Variants in DDX17 observed in about 807,000 individuals in gnomAD.
DDX17 encodes the protein probable ATP-dependent RNA helicase DDX17.
Under a neutral mutation model 80.8 loss-of-function variants are expected in DDX17, and 10 were observed. That is an observed-to-expected ratio of 0.12 (90% confidence interval 0.08 to 0.21). DDX17 has a LOEUF of 0.21. Among genes scored for constraint, DDX17 ranks in the 10% least tolerant of loss-of-function variants. The probability of loss-of-function intolerance (pLI) is 1.00; values close to 1 mark genes in which losing one functional copy is unlikely to be tolerated. For synonymous variants in DDX17, 339 were observed against 336.2 expected (o/e 1.01, Z -0.09); for missense variants, 586 against 957.4 (o/e 0.61, Z 5.12).
rs1306866474 is a variant in DDX17 at position 38,484,273 on chromosome 22, TAAG to T, written c.*1659_*1661del. The T allele has an allele frequency of 6.6e-6, 1 of 152,324 alleles. No individual in the cohort carries two copies. The highest frequency in any genetic ancestry group is 1.5e-5 in the Non-Finnish European group (1 of 68,002). 9.4% of individuals were successfully genotyped at this position (152,324 alleles called of 1,614,324 possible). ...GGGGGGACAAAAAGAGAAGTAAAGT[TAAG>T]AAGAAAGTGGAAAATTAAAAAAAAA... is the stretch of plus-strand genomic sequence containing the variant. On this transcript the variant is annotated 3_prime_UTR_variant, in exon 13 of 13. Transcript: ENST00000403230.
intron 10 of DDX17, chr22:38,493,454 T>TA (rs1196801276): frequency 5.0e-6 from 2 of 400,502 alleles, no homozygotes; most frequent in African/African-American, 4.1e-5. Context: ...CCCAAAGTGT[T>TA]AGGATTATAG....
At chr22:38,494,243 TA>T (rs1602676481) in intron 8 of DDX17, 112 bp from the exon 9 acceptor site, 3 of 725,946 alleles carry the variant, frequency 4.1e-6, no homozygotes, top group Non-Finnish European at 6.8e-6. Flanking sequence ...ATTACGCTTT[TA>T]AAATTTTTAA....
chr22:38,505,548 C>T (rs1304655211), intron 1 of DDX17: 1 of 186,576 alleles, frequency 5.4e-6, no homozygotes, highest in Non-Finnish European at 1.1e-5. Context: ...TCAGGAAGAT[C>T]CGCGTTTTTC....
chr22:38,501,328 T>G, intron 1 of DDX17, 48 bp from the exon 2 acceptor site: 1 of 1,580,250 alleles, frequency 6.3e-7, no homozygotes, highest in East Asian at 2.3e-5. Flanking sequence ...TAAAGCAACG[T>G]ATCGTACATG....
At chr22:38,502,361 CTGAAA>C (rs1157016346) in intron 1 of DDX17, among the ~76,000 whole-genome samples, 1 of 148,234 alleles carries the variant, frequency 6.7e-6, no homozygotes, top group African/African-American at 2.5e-5. Flanking sequence ...TTGCAGTGAG[CTGAAA>C]TGGCACCATA....
intron 1 of DDX17, among the ~76,000 whole-genome samples, chr22:38,503,402 A>C (rs2089849540): frequency 1.3e-5 from 2 of 152,206 alleles, no homozygotes; most frequent in South Asian, 2.1e-4. Flanking sequence ...TAAGGCTTTA[A>C]ACTGATGATT....
chr22:38,501,392 C>A, intron 1 of DDX17, 112 bp from the exon 2 acceptor site: 1 of 1,238,012 alleles, frequency 8.1e-7, no homozygotes, highest in Non-Finnish European at 1.1e-6. Flanking sequence ...AGCCTACCTC[C>A]AAAAAGACCA....
chr22:38,493,650 A>G, intron 10 of DDX17, 60 bp downstream of exon 10: 1 of 1,349,624 alleles, frequency 7.4e-7, no homozygotes, highest in Non-Finnish European at 1.1e-6. Flanking sequence ...ATAGAGCATG[A>G]ACATTCACTT....
At chr22:38,496,773 G>C (rs1214020085) in intron 5 of DDX17, among the ~76,000 whole-genome samples, 1 of 152,088 alleles carries the variant, frequency 6.6e-6, no homozygotes, top group African/African-American at 2.4e-5. Flanking sequence ...CATGTAATCT[G>C]ACAAGACTGT....
chr22:38,495,853 T>C lies in DDX17; in HGVS notation c.823A>G (p.Ser275Gly). The C allele has an allele frequency of 6.2e-7, 1 of 1,612,222 alleles. No individual in the cohort carries two copies. Among genetic ancestry groups the C allele is most frequent in the Non-Finnish European group, 8.5e-7 (1 of 1,179,118 alleles). Residue 275 changes from serine (S) to glycine (G), a missense_variant, in exon 6 of 13, where the codon AGT (serine) becomes GGT (glycine). Around this residue, in one of 4 missense-constraint regions of DDX17, gnomAD observed 141 missense variants for 379.3 expected, o/e 0.37. Transcript: ENST00000403230. ...GGAGCACCTCCATAAATACAAGTAC[T>C]CTTCAATCTAGAACATTTGCCATAG... is the stretch of plus-strand genomic sequence containing the variant.
Position 38,484,238 on chromosome 22 carries a change from G to GT in DDX17, c.*1696dup, listed in dbSNP as rs1196243631. 3 of 122,182 alleles carry GT rather than the reference G, an allele frequency of 2.5e-5. No homozygotes were observed. The highest frequency in any genetic ancestry group is 5.4e-5 in the Non-Finnish European group (3 of 55,730). 7.6% of individuals were successfully genotyped at this position (122,182 alleles called of 1,614,324 possible). On this transcript the variant is annotated 3_prime_UTR_variant, in exon 13 of 13. Transcript: ENST00000403230. ...CCATTCTCCCTTGGCCTCAACTTCT[G>GT]TAAGATGGGGGGGGGACAAAAAGAG...
intron 5 of DDX17, among the ~76,000 whole-genome samples, chr22:38,496,579 A>G (rs1382535140): frequency 6.6e-6 from 1 of 152,072 alleles, no homozygotes; most frequent in Non-Finnish European, 1.5e-5. Context: ...CGAACTCCTG[A>G]CTTCATGTGA....
At chr22:38,498,358 A>G in intron 4 of DDX17, 82 bp downstream of exon 4, 2 of 1,574,168 alleles carry the variant, frequency 1.3e-6, no homozygotes, top group East Asian at 4.5e-5. Context: ...TGGCACTTCT[A>G]CGAAGAACTG....
chr22:38,488,608 A>T (rs1237951407), intron 11 of DDX17: 1 of 988,794 alleles, frequency 1.0e-6, no homozygotes, highest in Non-Finnish European at 1.2e-6. Flanking sequence ...AAAGTAAAAA[A>T]AGGAGCTTCA....
chr22:38,495,358 G>A (rs1019430214), intron 6 of DDX17, among the ~76,000 whole-genome samples: 8 of 148,242 alleles, frequency 5.4e-5, no homozygotes, highest in African/African-American at 2.0e-4. Context: ...CCATTCTCCT[G>A]CCTCAGCCTC....
rs1237857781 is a variant in DDX17 at position 38,485,896 on chromosome 22, G to A, written c.*39C>T. On this transcript the variant is annotated 3_prime_UTR_variant, in exon 13 of 13. Coordinates refer to ENST00000403230, the MANE Select transcript of DDX17 (RefSeq NM_006386.5). ...AAGGAAAGACAGTGTTCCTTAAAAT[G>A]TAATTAAGTCTGCTGGAGTCACTAC... The A allele has an allele frequency of 6.3e-7, 1 of 1,596,930 alleles. No homozygotes were observed. Among genetic ancestry groups the A allele is most frequent in the Non-Finnish European group, 8.5e-7 (1 of 1,171,656 alleles).
chr22:38,504,003 T>C (rs2089855928), intron 1 of DDX17, among the ~76,000 whole-genome samples: 1 of 152,216 alleles, frequency 6.6e-6, no homozygotes, highest in Non-Finnish European at 1.5e-5. Flanking sequence ...TTCACTTTTT[T>C]CCTTTCAAAT....
Position 38,498,169 on chromosome 22 carries a change from A to ATGACAACC in DDX17, c.673-27_673-20dup, listed in dbSNP as rs745921415. On this transcript the variant is annotated intron_variant, in intron 4 of 12. Transcript: ENST00000403230. ...GGAGATACTGTGGAGGGGGGAAAGAATGACAACCTTACGCTTAGAAGTACA... is the reference window on the plus strand; with the variant it reads ...GGAGATACTGTGGAGGGGGGAAAGAATGACAACCTGACAACCTTACGCTTAGAAGTACA... 4.3e-6 allele frequency: 7 copies of ATGACAACC among 1,611,930 alleles called. No individual in the cohort carries two copies. In the Admixed American group the frequency reaches 1.2e-4, roughly 27 times the overall value.
chr22:38,498,377 T>G, intron 4 of DDX17, 63 bp downstream of exon 4: 2 of 1,601,432 alleles, frequency 1.2e-6, no homozygotes, highest in Non-Finnish European at 1.7e-6. Flanking sequence ...TGAGAACGTA[T>G]GACAACTAGA....
Sources: gnomAD v4.1 joint callset for allele counts (sites outside exome capture counted in the v4.1 genomes callset) on GRCh38, gnomAD v4.1.1 for gene constraint, gnomAD v4.1.1 regional missense constraint, MANE v1.5 for transcripts, NCBI Gene and HGNC (gene_info 2026-07-23, HGNC 2026-07-21) for gene names.